The following NPTN variants were observed in gnomAD, a reference collection of about 807,000 sequenced individuals.
The protein encoded by NPTN is neuroplastin.
In NPTN, 5 loss-of-function variants were observed where a neutral mutation model predicts 42.7. The ratio of observed to expected loss-of-function variants is 0.12; its 90% confidence interval spans 0.06 to 0.25. The LOEUF (loss-of-function observed/expected upper bound fraction) is 0.25, where lower values mean the gene tolerates loss of function less well. Ranked by LOEUF, NPTN falls within the 10% of genes least tolerant of loss-of-function variation. NPTN has a pLI of 1.00. For synonymous variants in NPTN, 180 were observed against 201.9 expected (o/e 0.89, Z 0.92); for missense variants, 307 against 525.4 (o/e 0.58, Z 4.06).
At chr15:73,561,864 T>C in intron 8 of NPTN, 32 bp downstream of exon 8, 1 of 1,477,382 alleles carries the variant, frequency 6.8e-7, no homozygotes, top group African/African-American at 1.4e-5. Context: ...TTGAATATAA[T>C]TTTTAAGACT....
chr15:73,578,035 G>GTA (rs1427909233), intron 4 of NPTN, among the ~76,000 whole-genome samples: 2 of 152,180 alleles, frequency 1.3e-5, no homozygotes, highest in African/African-American at 4.8e-5. Context: ...GAAATGCAAA[G>GTA]GTCTTGAGGT....
At chr15:73,585,678 A>G (rs62004592) in intron 4 of NPTN, among the ~76,000 whole-genome samples, 57,154 of 152,098 alleles carry the variant, frequency 0.38, 11,911 homozygotes, top group Admixed American at 0.46. Flanking sequence ...AACACACAGT[A>G]TATCTATCCA....
rs113210731 is a variant in NPTN at position 73,633,336 on chromosome 15, G to T, written c.-121C>A. The T allele has an allele frequency of 5.6e-6, 4 of 711,426 alleles. No homozygotes were observed. The highest frequency in any genetic ancestry group is 8.5e-6 in the Non-Finnish European group (4 of 471,436). 44.1% of individuals were successfully genotyped at this position (711,426 alleles called of 1,614,324 possible). A position where few individuals can be genotyped will look rare whatever the true frequency, so the allele number is the denominator to read the frequency against. On this transcript the variant is annotated 5_prime_UTR_variant, in exon 1 of 9. Coordinates refer to ENST00000345330, the MANE Select transcript of NPTN (RefSeq NM_012428.4). ...GGGAGTGAGCGAGGGAGGCAGCCGC[G>T]GCTCGGCTCCGTCCTTCCCCGTCCT...
chr15:73,566,032 T>C (rs1894978528), intron 6 of NPTN, among the ~76,000 whole-genome samples: 1 of 152,232 alleles, frequency 6.6e-6, no homozygotes, highest in Admixed American at 6.5e-5. Context: ...CTAAATCCAC[T>C]TAAATTTTGC....
chr15:73,613,092 T>G (rs1897671032), intron 1 of NPTN, among the ~76,000 whole-genome samples: 1 of 152,224 alleles, frequency 6.6e-6, no homozygotes, highest in Admixed American at 6.5e-5. Context: ...TTATGTAAGA[T>G]TAAGCAATTA....
chr15:73,604,188 C>T (rs1315063005), intron 1 of NPTN, among the ~76,000 whole-genome samples: 1 of 151,932 alleles, frequency 6.6e-6, no homozygotes, highest in Non-Finnish European at 1.5e-5. Context: ...TAAAAAAAAA[C>T]ATGGGCCGCT....
chr15:73,592,319 C>G (rs2141400208), intron 2 of NPTN, among the ~76,000 whole-genome samples, 182 bp from the exon 3 acceptor site: 1 of 152,296 alleles, frequency 6.6e-6, no homozygotes, highest in Non-Finnish European at 1.5e-5. Context: ...TGATTATAAG[C>G]AAATGACCAC....
At chr15:73,624,982 T>C (rs1352611130) in intron 1 of NPTN, among the ~76,000 whole-genome samples, 1 of 152,244 alleles carries the variant, frequency 6.6e-6, no homozygotes, top group African/African-American at 2.4e-5. Flanking sequence ...ATCCAAAATG[T>C]TTTATTTTCT....
intron 1 of NPTN, among the ~76,000 whole-genome samples, chr15:73,617,516 T>C (rs1897919342): frequency 6.6e-6 from 1 of 152,172 alleles, no homozygotes; most frequent in Non-Finnish European, 1.5e-5. Context: ...GATGAAAACT[T>C]CACTAAATTC....
intron 6 of NPTN, chr15:73,565,913 C>T (rs1381754968): frequency 2.5e-6 from 1 of 396,826 alleles, no homozygotes; most frequent in Non-Finnish European, 5.1e-6. Flanking sequence ...TTGCCTAATA[C>T]AATATCACCT....
In NPTN at chr15:73,633,148, G is replaced by A; in HGVS notation, c.68C>T (p.Pro23Leu). ...SLLLVSGSLL[P>L]GPGAAQNAGF... ...ACCGTTCTGAGCGGCGCCTGGCCCT[G>A]GGAGGAGGGAGCCAGAGACCAGCAA... Residue 23 changes from proline to leucine, a missense_variant, in exon 1 of 9, where the codon CCA (proline) becomes CTA (leucine). Coordinates refer to ENST00000345330, the MANE Select transcript of NPTN (RefSeq NM_012428.4). 6.6e-7 allele frequency: 1 copy of A among 1,503,948 alleles called. No individual in the cohort carries two copies. The allele number at this position is 1,503,948 out of a possible 1,614,324, so 93.2% of individuals were successfully genotyped here.
chr15:73,568,596 G>C (rs1476960000), intron 6 of NPTN: 5 of 985,306 alleles, frequency 5.1e-6, no homozygotes, highest in Non-Finnish European at 6.0e-6. Context: ...AATACCTGGA[G>C]AGAAAAAGCA....
Position 73,597,187 on chromosome 15 carries a change from C to G in NPTN, c.274G>C (p.Ala92Pro). The part of the protein sequence containing the change: ...ARKRRVTVNT[A>P]YGSNGVSVLR... Reference sequence around the variant, plus strand: ...ACACTCACGCCGTTTGACCCGTAGGCGGTGTTTACGGTGACACGGCGCTTC... The same window carrying G: ...ACACTCACGCCGTTTGACCCGTAGGGGGTGTTTACGGTGACACGGCGCTTC... The change falls in exon 2 of 9, where the codon GCC (alanine) becomes CCC (proline). Residue 92 changes from alanine (A) to proline (P), a missense_variant. By Grantham distance (27) the Ala-to-Pro change is conservative (BLOSUM62 -1). Around this residue, in one of 2 missense-constraint regions of NPTN, gnomAD observed 264 missense variants for 491.1 expected, o/e 0.54. Coordinates refer to ENST00000345330, the MANE Select transcript of NPTN (RefSeq NM_012428.4). This position sits in a 1 kb window ranked among gnomAD's most constrained non-coding sequence, Gnocchi z 6.3. 6.2e-7 allele frequency: 1 copy of G among 1,614,158 alleles called. No individual in the cohort carries two copies. The highest frequency in any genetic ancestry group is 8.5e-7 in the Non-Finnish European group (1 of 1,180,028).
rs75927772 is a variant in NPTN at position 73,615,025 on chromosome 15, T to C, written c.92-17656A>G. Among the ~76,000 whole-genome samples the C allele has an allele frequency of 5.6e-3, 858 of 152,306 alleles. 6 individuals carry two copies. Among genetic ancestry groups the C allele is most frequent in the African/African-American group, 0.02 (819 of 41,562 alleles). ...AGATTTCTTATTTGAGTTTTTACTT[T>C]ACAGTTAGGTTTCAACTTAACCACT... is the stretch of plus-strand genomic sequence containing the variant. On this transcript the variant is annotated intron_variant, in intron 1 of 8. Transcript: ENST00000345330.
chr15:73,616,576 A>G (rs987486078), intron 1 of NPTN, among the ~76,000 whole-genome samples: 1 of 152,160 alleles, frequency 6.6e-6, no homozygotes, highest in African/African-American at 2.4e-5. Flanking sequence ...TCCCTCAGGA[A>G]ATCCCAAAAT....
chr15:73,582,130 C>T (rs1316122439), intron 4 of NPTN, among the ~76,000 whole-genome samples: 2 of 152,172 alleles, frequency 1.3e-5, no homozygotes, highest in Non-Finnish European at 2.9e-5. Context: ...CAAGACACTG[C>T]GCCTGGCCTT....
rs189327772 is a variant in NPTN at position 73,576,492 on chromosome 15, C to T, written c.707-2697G>A. 9.2e-5 allele frequency among the ~76,000 whole-genome samples: 14 copies of T among 152,152 alleles called. 1 individual carries two copies. Among genetic ancestry groups the T allele is most frequent in the Admixed American group, 3.3e-4 (5 of 15,272 alleles). On this transcript the variant is annotated intron_variant, in intron 4 of 8. Transcript: ENST00000345330. Reference sequence around the variant, plus strand: ...TATAGGCATCTGCCACCATACCTGGCTAATTTTTGTATTTTTAGTAGAGAT... The same window carrying T: ...TATAGGCATCTGCCACCATACCTGGTTAATTTTTGTATTTTTAGTAGAGAT...
chr15:73,617,529 G>A (rs1449009838), intron 1 of NPTN, among the ~76,000 whole-genome samples: 3 of 152,118 alleles, frequency 2.0e-5, no homozygotes, highest in Non-Finnish European at 2.9e-5. Context: ...CTAAATTCTA[G>A]GCACAGATGG....
intron 1 of NPTN, among the ~76,000 whole-genome samples, chr15:73,631,657 T>C (rs1285306912): frequency 6.6e-6 from 1 of 152,244 alleles, no homozygotes; most frequent in East Asian, 1.9e-4. Context: ...TAAATTGTTC[T>C]GGCCTAACAA....
Sources: gnomAD v4.1 joint callset for allele counts (sites outside exome capture counted in the v4.1 genomes callset) on GRCh38, gnomAD v4.1.1 for gene constraint, gnomAD v4.1.1 regional missense constraint, Gnocchi (gnomAD v3.1) non-coding constraint, MANE v1.5 for transcripts, NCBI Gene and HGNC (gene_info 2026-07-23, HGNC 2026-07-21) for gene names.